ENPP1: variants seen among roughly 807,000 people sequenced by gnomAD.
ENPP1 encodes the protein ectonucleotide pyrophosphatase/phosphodiesterase family member 1.
In ENPP1, 73 loss-of-function variants were observed where a neutral mutation model predicts 122.8. That is an observed-to-expected ratio of 0.59 (90% CI 0.49 to 0.72). The LOEUF is 0.72. Among genes scored for constraint, ENPP1 ranks in the 30% least tolerant of loss-of-function variants. ENPP1 has a pLI of 0.00. For missense variants in ENPP1, 978 were observed against 1,128.1 expected (o/e 0.87, Z 1.91); for synonymous variants, 367 against 391.6 (o/e 0.94, Z 0.74).
intron 1 of ENPP1, among the ~76,000 whole-genome samples, chr6:131,833,683 AT>A (rs1781639450): frequency 6.6e-6 from 1 of 152,204 alleles, no homozygotes; most frequent in Non-Finnish European, 1.5e-5. Context: ...AGAGAGAGAA[AT>A]TTTGTTTACT....
chr6:131,870,431 C>A (rs1276444965), intron 13 of ENPP1, among the ~76,000 whole-genome samples: 3 of 152,150 alleles, frequency 2.0e-5, no homozygotes, highest in African/African-American at 7.2e-5. Context: ...ACCTCTGTTA[C>A]CTCCCTCTCT....
Position 131,833,923 on chromosome 6 carries a change from G to T in ENPP1, c.241-13853G>T, listed in dbSNP as rs1052862084. Among the ~76,000 whole-genome samples the T allele has an allele frequency of 5.9e-5, 9 of 152,164 alleles. 1 individual carries two copies. In the East Asian group the frequency reaches 1.7e-3, roughly 29 times the overall value. ...GTGAATCTAAATAGAAGTTCCAGTG[G>T]CTGGAGGCTGTATCTGAGGAGGGAC... On this transcript the variant is annotated intron_variant, in intron 1 of 24. Transcript: ENST00000647893.
At chr6:131,843,418 C>T (rs1781766452) in intron 1 of ENPP1, among the ~76,000 whole-genome samples, 1 of 152,146 alleles carries the variant, frequency 6.6e-6, no homozygotes, top group Admixed American at 6.6e-5. Flanking sequence ...TCTTCAGCTA[C>T]TTAACAAGAG....
At position 131,852,248 on chromosome 6, in the gene ENPP1, T is replaced by C. The variant is rs1160595383; in HGVS notation, c.617+13T>C. On this transcript the variant is annotated intron_variant, in intron 5 of 24. Transcript: ENST00000647893. The stretch of plus-strand genomic sequence containing the variant: ...AGTGCCCAGCAGGGTAAGATTATAT[T>C]CTGAGGTATTAATTTTTTCTTTTTT... 6.4e-7 allele frequency: 1 copy of C among 1,562,690 alleles called. No individual in the cohort carries two copies. Among genetic ancestry groups the C allele is most frequent in the South Asian group, 1.1e-5 (1 of 90,006 alleles).
intron 6 of ENPP1, among the ~76,000 whole-genome samples, chr6:131,855,853 G>A (rs1390314313): frequency 1.3e-5 from 2 of 150,186 alleles, no homozygotes; most frequent in Non-Finnish European, 3.0e-5. Context: ...TAATATTGAT[G>A]CCAAAGTTTT....
rs1003685284 is a variant in ENPP1 at position 131,851,473 on chromosome 6, C to T, written c.556+206C>T. On this transcript the variant is annotated intron_variant, in intron 4 of 24. Coordinates refer to ENST00000647893, the MANE Select transcript of ENPP1 (RefSeq NM_006208.3). ...TATGTAATGAACATTATACCCATCACCCAGCTTCATAATTATGATTATGTG... is the reference window on the plus strand; with the variant it reads ...TATGTAATGAACATTATACCCATCATCCAGCTTCATAATTATGATTATGTG... 9.9e-5 allele frequency: 57 copies of T among 573,524 alleles called. No homozygotes were observed. The African/African-American group carries it at 1.0e-3, about 10-fold the overall frequency. The allele number at this position is 573,524 out of a possible 1,614,324, so 35.5% of individuals were successfully genotyped here.
rs762590764 is a variant in ENPP1 at position 131,850,186 on chromosome 6, G to A, written c.430+80G>A. The A allele has an allele frequency of 1.0e-4, 99 of 969,252 alleles. 1 individual carries two copies. In the Middle Eastern group the frequency reaches 1.3e-3, roughly 12 times the overall value. 60.0% of individuals were successfully genotyped at this position (969,252 alleles called of 1,614,324 possible). A position where few individuals can be genotyped will look rare whatever the true frequency, so the allele number is the denominator to read the frequency against. On this transcript the variant is annotated intron_variant, in intron 3 of 24. Coordinates refer to ENST00000647893, the MANE Select transcript of ENPP1 (RefSeq NM_006208.3). ...AAAGTTCTGTGTCTTTCAGGTATGTGATTTACCTAATTCATTTGAATTTTT... is the reference window on the plus strand; with the variant it reads ...AAAGTTCTGTGTCTTTCAGGTATGTAATTTACCTAATTCATTTGAATTTTT...
intron 1 of ENPP1, among the ~76,000 whole-genome samples, chr6:131,824,512 T>C (rs1390443190): frequency 6.6e-6 from 1 of 152,094 alleles, no homozygotes; most frequent in Non-Finnish European, 1.5e-5. Flanking sequence ...TGTAGTGCAG[T>C]GGCGCCATCT....
intron 1 of ENPP1, chr6:131,828,217 T>A: frequency 1.8e-6 from 1 of 564,414 alleles, no homozygotes. Flanking sequence ...TTCCAAGGCA[T>A]GGTGCAATGA....
At chr6:131,808,838 C>G (rs1359515317) in intron 1 of ENPP1, among the ~76,000 whole-genome samples, 1 of 152,184 alleles carries the variant, frequency 6.6e-6, no homozygotes, top group Non-Finnish European at 1.5e-5. Flanking sequence ...ACTGAAGAAA[C>G]CTTTATGATT....
intron 8 of ENPP1, among the ~76,000 whole-genome samples, chr6:131,860,922 T>C (rs1668135363): frequency 6.6e-6 from 1 of 152,210 alleles, no homozygotes; most frequent in Non-Finnish European, 1.5e-5. Flanking sequence ...TTTTTAATTT[T>C]TAAAATTCTC....
chr6:131,815,086 A>T (rs1781397956), intron 1 of ENPP1, among the ~76,000 whole-genome samples: 2 of 152,172 alleles, frequency 1.3e-5, no homozygotes, highest in African/African-American at 4.8e-5. Context: ...TAAAACTGGG[A>T]TATAATTTTA....
chr6:131,877,517 C>T (rs916068413), intron 18 of ENPP1: 4 of 280,372 alleles, frequency 1.4e-5, no homozygotes, highest in African/African-American at 8.8e-5. Context: ...GTGATGAGCA[C>T]ATAGTAAACC....
intron 13 of ENPP1, 21 bp from the exon 14 acceptor site, chr6:131,872,049 C>A (rs373210213): frequency 5.8e-6 from 9 of 1,546,204 alleles, no homozygotes; most frequent in Non-Finnish European, 8.0e-6. Context: ...ACTATTAATT[C>A]TTATGTTTGT....
chr6:131,813,673 G>A (rs190619101), intron 1 of ENPP1, among the ~76,000 whole-genome samples: 3 of 152,156 alleles, frequency 2.0e-5, no homozygotes, highest in South Asian at 2.1e-4. Flanking sequence ...AGACGTTTTC[G>A]CGGTCTTATT....
intron 10 of ENPP1, 117 bp downstream of exon 10, chr6:131,864,688 AT>A (rs1299776932): frequency 3.6e-6 from 3 of 842,308 alleles, no homozygotes; most frequent in Non-Finnish European, 5.9e-6. Context: ...ATCGAAATAA[AT>A]TCTTTAGTAA....
intron 1 of ENPP1, among the ~76,000 whole-genome samples, chr6:131,839,206 A>T (rs964301013): frequency 6.6e-6 from 1 of 151,548 alleles, no homozygotes; most frequent in African/African-American, 2.4e-5. Flanking sequence ...TGATATTAGG[A>T]CTCTTTGATG....
intron 19 of ENPP1, 25 bp from the exon 20 acceptor site, chr6:131,879,855 A>G: frequency 6.2e-7 from 1 of 1,605,560 alleles, no homozygotes; most frequent in South Asian, 1.1e-5. Context: ...CACTAACTAC[A>G]TTTATTTTCA....
intron 3 of ENPP1, 61 bp from the exon 4 acceptor site, chr6:131,851,081 G>A: frequency 2.5e-6 from 4 of 1,581,420 alleles, no homozygotes; most frequent in Non-Finnish European, 3.5e-6. Flanking sequence ...GCAATTCTGT[G>A]TTCACTTTGG....
Sources: allele counts gnomAD v4.1 joint callset (sites outside exome capture counted in the v4.1 genomes callset), GRCh38; gene constraint gnomAD v4.1.1; transcripts MANE v1.5; gene names NCBI Gene and HGNC (gene_info 2026-07-23, HGNC 2026-07-21).